Variants in ANKS1B observed in about 807,000 individuals in gnomAD.
ANKS1B encodes the protein ankyrin repeat and sterile alpha motif domain containing 1B.
In ANKS1B, 36 loss-of-function variants were observed where a neutral mutation model predicts 148.3. The ratio of observed to expected loss-of-function variants is 0.24; its 90% CI spans 0.19 to 0.32. The LOEUF is 0.32. ANKS1B is among the 10% of genes least tolerant of loss of function. The probability of loss-of-function intolerance (pLI) is 1.00; values close to 1 mark genes in which losing one functional copy is unlikely to be tolerated. For missense variants in ANKS1B, 1,157 were observed against 1,542.6 expected, an observed-to-expected ratio of 0.75 and a Z score of 4.19; for synonymous variants, 542 against 560.8, an observed-to-expected ratio of 0.97 and a Z score of 0.47.
At chr12:98,908,581 T>C (rs950017871) in intron 17 of ANKS1B, among the ~76,000 whole-genome samples, 1 of 152,212 alleles carries the variant, frequency 6.6e-6, no homozygotes. Flanking sequence ...TATTAAGAGA[T>C]GGAGGTAATT....
chr12:99,200,624 A>G (rs938539593), intron 14 of ANKS1B, among the ~76,000 whole-genome samples: 1 of 152,128 alleles, frequency 6.6e-6, no homozygotes, highest in Non-Finnish European at 1.5e-5. Context: ...GAAGCTAGTG[A>G]CCTCTTCAGG....
chr12:99,748,890 A>G (rs2060846176), intron 8 of ANKS1B, among the ~76,000 whole-genome samples: 2 of 152,168 alleles, frequency 1.3e-5, no homozygotes, highest in African/African-American at 4.8e-5. Context: ...TCCTAGTTAC[A>G]TTACTTAAAT....
chr12:99,537,873 G>A (rs373898381), intron 9 of ANKS1B, among the ~76,000 whole-genome samples: 7 of 152,164 alleles, frequency 4.6e-5, no homozygotes, highest in African/African-American at 1.7e-4. Context: ...TTTTCTTATA[G>A]TAGTTTCATG....
chr12:99,781,922 G>T, intron 5 of ANKS1B, 100 bp downstream of exon 5: 1 of 988,584 alleles, frequency 1.0e-6, no homozygotes, highest in Non-Finnish European at 1.5e-6. Context: ...AAAGGCAAGA[G>T]GGTGATTTGT....
chr12:99,834,745 C>A (rs1401600555), intron 1 of ANKS1B, among the ~76,000 whole-genome samples: 3 of 152,134 alleles, frequency 2.0e-5, no homozygotes, highest in Admixed American at 2.0e-4. Flanking sequence ...TGGGGAAAAT[C>A]TATCAGAAAT....
intron 20 of ANKS1B, among the ~76,000 whole-genome samples, chr12:98,802,075 CAGTTCTT>C (rs531364210): frequency 1.7e-4 from 26 of 152,196 alleles, no homozygotes; most frequent in Non-Finnish European, 3.7e-4. Context: ...TTCCAAAACT[CAGTTCTT>C]TGTTCTCAAG....
At chr12:98,807,729 G>A in intron 20 of ANKS1B, 115 bp downstream of exon 20, 1 of 712,352 alleles carries the variant, frequency 1.4e-6, no homozygotes, top group Non-Finnish European at 2.3e-6. Context: ...GGAGTCACCA[G>A]ACATTACAAA....
intron 17 of ANKS1B, among the ~76,000 whole-genome samples, chr12:98,944,353 G>A (rs2099841945): frequency 6.8e-6 from 1 of 147,596 alleles, no homozygotes; most frequent in African/African-American, 2.5e-5. Context: ...ATGACACGCT[G>A]GCTCCTTTTC....
intron 8 of ANKS1B, among the ~76,000 whole-genome samples, chr12:99,742,631 G>A (rs1374400963): frequency 2.0e-5 from 3 of 151,574 alleles, no homozygotes; most frequent in South Asian, 2.1e-4. Flanking sequence ...TCAGGAGTTC[G>A]AGACCAGCCT....
intron 14 of ANKS1B, among the ~76,000 whole-genome samples, chr12:99,241,848 G>A (rs1281230626): frequency 6.6e-6 from 1 of 152,086 alleles, no homozygotes; most frequent in Non-Finnish European, 1.5e-5. Flanking sequence ...AAATTCAACA[G>A]CCCTTCATGC....
In ANKS1B at chr12:99,074,803, T is replaced by C. The variant is rs184301593; in HGVS notation, c.2625+10122A>G. On this transcript the variant is annotated intron_variant, in intron 16 of 26. Transcript: ENST00000683438. ...ATTCAGAACTGACCTCTAATCAGCA[T>C]TTTTGTTTGGCTCAGTCCAGTCTAA... Among the ~76,000 whole-genome samples the C allele has an allele frequency of 2.1e-4, 32 of 152,342 alleles. No homozygotes were observed. The South Asian group carries it at 2.3e-3, about 11-fold the overall frequency.
intron 15 of ANKS1B, among the ~76,000 whole-genome samples, chr12:99,112,143 G>A (rs996788943): frequency 3.9e-5 from 6 of 152,090 alleles, no homozygotes; most frequent in Admixed American, 2.6e-4. Context: ...GCAATGTGCT[G>A]TGTAAGGTGG....
At chr12:99,907,291 C>A (rs2093819275) in intron 1 of ANKS1B, among the ~76,000 whole-genome samples, 1 of 152,194 alleles carries the variant, frequency 6.6e-6, no homozygotes, top group Non-Finnish European at 1.5e-5. Flanking sequence ...GCTCCCCACT[C>A]CCCAGCGTGC....
In ANKS1B at chr12:99,798,368, A is replaced by G. The variant is rs115112271; in HGVS notation, c.669+8036T>C. ...AACTAGAATGGCATTTAACTCAGAA[A>G]TAAAATTCCCTAGTACCCTGTTTGG... On this transcript the variant is annotated intron_variant, in intron 4 of 26. Coordinates refer to ENST00000683438, the MANE Select transcript of ANKS1B (RefSeq NM_001352186.2). Among the ~76,000 whole-genome samples the G allele has an allele frequency of 9.0e-3, 1,363 of 151,694 alleles. 25 individuals carry two copies. Among genetic ancestry groups the G allele is most frequent in the African/African-American group, 0.031 (1,280 of 41,396 alleles).
chr12:98,933,692 C>T (rs1481061724), intron 17 of ANKS1B, among the ~76,000 whole-genome samples: 1 of 151,972 alleles, frequency 6.6e-6, no homozygotes, highest in Non-Finnish European at 1.5e-5. Flanking sequence ...CTCATCCAGA[C>T]AGGTGTGAGG....
At chr12:99,938,291 C>A (rs1026587860) in intron 1 of ANKS1B, among the ~76,000 whole-genome samples, 27 of 152,148 alleles carry the variant, frequency 1.8e-4, no homozygotes, top group African/African-American at 6.3e-4. Context: ...CTCAGTCCTA[C>A]AACCACAGGA....
At chr12:99,620,609 A>C (rs192428220) in intron 9 of ANKS1B, among the ~76,000 whole-genome samples, 51 of 152,322 alleles carry the variant, frequency 3.3e-4, no homozygotes, top group Admixed American at 1.6e-3. Context: ...ATTTCAAAAT[A>C]CAATTGAAAG....
intron 1 of ANKS1B, among the ~76,000 whole-genome samples, chr12:99,957,367 T>C (rs778910249): frequency 6.6e-6 from 1 of 152,238 alleles, no homozygotes; most frequent in Non-Finnish European, 1.5e-5. Context: ...ATTTACTTTT[T>C]CATTTATCAA....
rs1413015181 is a variant in ANKS1B at position 98,751,656 on chromosome 12, G to A, written c.3580-134C>T. The A allele has an allele frequency of 2.4e-6, 2 of 840,660 alleles. No homozygotes were observed. The highest frequency in any genetic ancestry group is 3.4e-5 in the African/African-American group (2 of 58,782). 52.1% of individuals were successfully genotyped at this position (840,660 alleles called of 1,614,324 possible). On this transcript the variant is annotated intron_variant, in intron 25 of 26. Coordinates refer to ENST00000683438, the MANE Select transcript of ANKS1B (RefSeq NM_001352186.2). The surrounding 1 kb of genome is among the most constrained non-coding windows in gnomAD (Gnocchi z 4.3). ...TCACCAGAGGCAGCAGCGATTCGGT[G>A]GAAATCTACAAAGAACAGGACACTC...
Sources: allele counts gnomAD v4.1 joint callset (sites outside exome capture counted in the v4.1 genomes callset), GRCh38; gene constraint gnomAD v4.1.1; non-coding constraint Gnocchi (gnomAD v3.1); transcripts MANE v1.5; gene names NCBI Gene and HGNC (gene_info 2026-07-23, HGNC 2026-07-21).